MINDY3: variants seen among roughly 807,000 people sequenced by gnomAD.
MINDY3 encodes the protein MINDY lysine 48 deubiquitinase 3.
A neutral mutation model predicts 69.2 loss-of-function variants in MINDY3; 38 were observed. That is an observed-to-expected ratio of 0.55 (90% CI 0.42 to 0.72). MINDY3 has a LOEUF of 0.72. MINDY3 is among the 30% of genes least tolerant of loss of function. The pLI is 0.00. For synonymous variants in MINDY3, 192 were observed against 180.1 expected (o/e 1.07, Z -0.53); for missense variants, 522 against 519.0 (o/e 1.01, Z -0.06).
At chr10:15,789,184 A>G (rs1588511573) in intron 12 of MINDY3, 63 bp downstream of exon 12, 8 of 1,345,054 alleles carry the variant, frequency 5.9e-6, no homozygotes, top group East Asian at 4.7e-5. Flanking sequence ...AAAATGTACA[A>G]TATGTCTTAA....
chr10:15,828,603 C>A (rs1433562088), intron 8 of MINDY3, among the ~76,000 whole-genome samples: 3 of 151,274 alleles, frequency 2.0e-5, no homozygotes, highest in Non-Finnish European at 2.9e-5. Context: ...TTAACAGATG[C>A]CTAAAATTTT....
intron 11 of MINDY3, among the ~76,000 whole-genome samples, chr10:15,793,071 G>A (rs569337086): frequency 4.7e-4 from 72 of 152,226 alleles, no homozygotes; most frequent in Middle Eastern, 3.4e-3. Context: ...CTAGAGAATT[G>A]TTGTTGTCCA....
intron 11 of MINDY3, among the ~76,000 whole-genome samples, chr10:15,792,900 TA>T (rs1388504304): frequency 3.3e-5 from 5 of 151,994 alleles, no homozygotes; most frequent in Non-Finnish European, 5.9e-5. Flanking sequence ...ACACATTTTT[TA>T]AAAAAACAAC....
chr10:15,810,417 C>T (rs1226311126), intron 10 of MINDY3, among the ~76,000 whole-genome samples: 1 of 152,112 alleles, frequency 6.6e-6, no homozygotes, highest in Non-Finnish European at 1.5e-5. Context: ...TTTGTAAATA[C>T]TCATGACAGC....
intron 10 of MINDY3, among the ~76,000 whole-genome samples, chr10:15,804,340 T>C (rs1388429020): frequency 6.6e-6 from 1 of 152,172 alleles, no homozygotes; most frequent in Non-Finnish European, 1.5e-5. Flanking sequence ...TCAGTGTAAC[T>C]ATTCACTATT....
At chr10:15,779,177 C>A (rs762645008) in intron 14 of MINDY3, 36 bp from the exon 15 acceptor site, 1 of 1,579,896 alleles carries the variant, frequency 6.3e-7, no homozygotes, top group Non-Finnish European at 8.6e-7. Context: ...GGTCAAGCAA[C>A]AGTCTTAGCA....
At chr10:15,808,818 A>G (rs1044488792) in intron 10 of MINDY3, among the ~76,000 whole-genome samples, 7 of 152,144 alleles carry the variant, frequency 4.6e-5, no homozygotes, top group Non-Finnish European at 8.8e-5. Context: ...CATCTCCCCA[A>G]CTTCAATGAA....
chr10:15,806,074 G>T (rs1031231723), intron 10 of MINDY3, among the ~76,000 whole-genome samples: 1 of 152,086 alleles, frequency 6.6e-6, no homozygotes, highest in East Asian at 1.9e-4. Flanking sequence ...TGTTCTCATC[G>T]CCCCCTTCTT....
At chr10:15,803,475 T>A (rs1393957988) in intron 10 of MINDY3, among the ~76,000 whole-genome samples, 1 of 152,146 alleles carries the variant, frequency 6.6e-6, no homozygotes, top group Non-Finnish European at 1.5e-5. Flanking sequence ...ATTTTTCTTA[T>A]TGTACATAAA....
intron 8 of MINDY3, among the ~76,000 whole-genome samples, chr10:15,826,221 C>T (rs1370098863): frequency 6.6e-6 from 1 of 152,108 alleles, no homozygotes; most frequent in African/African-American, 2.4e-5. Flanking sequence ...GGAAGCCAGC[C>T]ATCGAATGGT....
At chr10:15,850,050 G>A (rs1326303256) in intron 1 of MINDY3, among the ~76,000 whole-genome samples, 2 of 152,178 alleles carry the variant, frequency 1.3e-5, no homozygotes, top group Non-Finnish European at 2.9e-5. Context: ...ACATTTATCA[G>A]TTCCCCAAAT....
chr10:15,779,754 A>G (rs904954905), intron 14 of MINDY3, among the ~76,000 whole-genome samples: 5 of 152,224 alleles, frequency 3.3e-5, no homozygotes, highest in African/African-American at 1.2e-4. Flanking sequence ...AAAGGATGTC[A>G]GGACAGAAAG....
chr10:15,784,107 G>A (rs1836766248), intron 13 of MINDY3, among the ~76,000 whole-genome samples: 1 of 152,080 alleles, frequency 6.6e-6, no homozygotes. Context: ...GATACCTAGT[G>A]TATGACCTTC....
At chr10:15,819,893 C>T (rs530406424) in intron 9 of MINDY3, among the ~76,000 whole-genome samples, 4 of 152,174 alleles carry the variant, frequency 2.6e-5, no homozygotes, top group Non-Finnish European at 5.9e-5. Context: ...AAACGTTCTT[C>T]TGTTCTACCT....
chr10:15,808,622 AAAT>A (rs1450536192), intron 10 of MINDY3, among the ~76,000 whole-genome samples: 1 of 152,150 alleles, frequency 6.6e-6, no homozygotes, highest in Non-Finnish European at 1.5e-5. Context: ...AGCAACAGTT[AAAT>A]AATTTTTTCC....
intron 4 of MINDY3, among the ~76,000 whole-genome samples, chr10:15,841,166 GATT>G (rs1014820971): frequency 1.9e-4 from 28 of 151,158 alleles, no homozygotes; most frequent in Admixed American, 1.6e-3. Context: ...GCTCAAAAGA[GATT>G]ATTATCAAGC....
At chr10:15,789,422 CAA>C (rs901690092) in intron 11 of MINDY3, 103 bp from the exon 12 acceptor site, 3 of 823,846 alleles carry the variant, frequency 3.6e-6, no homozygotes, top group East Asian at 2.6e-5. Context: ...ATAAAAAATA[CAA>C]AGAGTTAACA....
At chr10:15,811,564 T>C (rs1453382984) in intron 10 of MINDY3, among the ~76,000 whole-genome samples, 1 of 152,164 alleles carries the variant, frequency 6.6e-6, no homozygotes, top group Non-Finnish European at 1.5e-5. Context: ...AGCAGTGGTA[T>C]ATGTATTTGA....
intron 1 of MINDY3, among the ~76,000 whole-genome samples, chr10:15,857,341 C>A (rs771336934): frequency 6.6e-6 from 1 of 152,118 alleles, no homozygotes; most frequent in African/African-American, 2.4e-5. Context: ...GACCAGGACA[C>A]CCCACCCAGA....
Sources: gnomAD v4.1 joint callset for allele counts (sites outside exome capture counted in the v4.1 genomes callset) on GRCh38, gnomAD v4.1.1 for gene constraint, MANE v1.5 for transcripts, NCBI Gene and HGNC (gene_info 2026-07-23, HGNC 2026-07-21) for gene names.